NAALADL2: variants seen among roughly 807,000 people sequenced by gnomAD.
NAALADL2 encodes the protein inactive N-acetylated-alpha-linked acidic dipeptidase-like protein 2.
NAALADL2 carries 76 observed loss-of-function variants against 87.2 expected under a neutral mutation model. The observed-to-expected ratio is 0.87, with a 90% CI of 0.72 to 1.05. The LOEUF is 1.05. NAALADL2 is among the 50% of genes least tolerant of loss of function. NAALADL2 has a pLI of 0.00. For synonymous variants in NAALADL2, 354 were observed against 331.0 expected (o/e 1.07, Z -0.75); for missense variants, 1,089 against 945.8 (o/e 1.15, Z -1.99).
intron 2 of NAALADL2, among the ~76,000 whole-genome samples, chr3:175,162,264 C>T (rs892827160): frequency 6.6e-6 from 1 of 152,112 alleles, no homozygotes; most frequent in Admixed American, 6.6e-5. Context: ...CCCATGAGAA[C>T]CCACATTTTA....
In NAALADL2 at chr3:175,455,763, A is replaced by G. The variant is rs1238938279; in HGVS notation, c.1235-7638A>G. On this transcript the variant is annotated intron_variant, in intron 6 of 13. Transcript: ENST00000454872. ...CAAACAGTTGGCATTTAGGAAAGAT[A>G]GCTGCAGACCACAGCATCTCAATCA... Among the ~76,000 whole-genome samples the G allele has an allele frequency of 3.3e-5, 5 of 152,070 alleles. No homozygotes were observed. In the South Asian group the frequency reaches 8.3e-4, roughly 25 times the overall value.
chr3:175,096,320 A>G (rs146732591), intron 1 of NAALADL2, among the ~76,000 whole-genome samples: 8 of 152,094 alleles, frequency 5.3e-5, no homozygotes, highest in African/African-American at 1.7e-4. Flanking sequence ...CAGGGTTTTT[A>G]TTATTTTTTC....
intron 3 of NAALADL2, among the ~76,000 whole-genome samples, chr3:174,830,629 G>T (rs1226587455): frequency 6.6e-6 from 1 of 151,878 alleles, no homozygotes; most frequent in Non-Finnish European, 1.5e-5. Flanking sequence ...CTTTAAAGTA[G>T]TTTTTTCTGT....
chr3:174,795,918 C>T (rs979217670), intron 3 of NAALADL2, among the ~76,000 whole-genome samples: 1 of 152,148 alleles, frequency 6.6e-6, no homozygotes, highest in Non-Finnish European at 1.5e-5. Context: ...CTATTTATAT[C>T]TGCATACACA....
At chr3:175,598,508 A>G (rs1722537542) in intron 10 of NAALADL2, among the ~76,000 whole-genome samples, 1 of 152,054 alleles carries the variant, frequency 6.6e-6, no homozygotes, top group East Asian at 1.9e-4. Context: ...CTTGTTTCAT[A>G]TAATAACCAG....
At chr3:175,738,062 T>G (rs1744751749) in intron 12 of NAALADL2, among the ~76,000 whole-genome samples, 1 of 152,088 alleles carries the variant, frequency 6.6e-6, no homozygotes, top group South Asian at 2.1e-4. Flanking sequence ...AGTATTGTGA[T>G]TAAAGATTTC....
chr3:175,619,728 A>G (rs1278301323), intron 10 of NAALADL2, among the ~76,000 whole-genome samples: 1 of 152,162 alleles, frequency 6.6e-6, no homozygotes, highest in African/African-American at 2.4e-5. Flanking sequence ...AAGAACACAT[A>G]GGAGCCCTAA....
At chr3:175,175,985 C>T (rs17531088) in intron 2 of NAALADL2, among the ~76,000 whole-genome samples, 53,161 of 151,906 alleles carry the variant, frequency 0.35, 10,780 homozygotes, top group East Asian at 0.56. Context: ...TTATGATATG[C>T]TATTCGTCTG....
chr3:174,776,798 T>C (rs544996667), intron 3 of NAALADL2, among the ~76,000 whole-genome samples: 1 of 152,304 alleles, frequency 6.6e-6, no homozygotes, highest in African/African-American at 2.4e-5. Context: ...TTGATTCTGT[T>C]ATGAATAACT....
chr3:175,168,586 C>T (rs962724967), intron 2 of NAALADL2, among the ~76,000 whole-genome samples: 16 of 151,882 alleles, frequency 1.1e-4, no homozygotes, highest in African/African-American at 3.6e-4. Context: ...TAAAATTAGA[C>T]ACTTTTTCAT....
At chr3:175,593,005 T>A (rs1189359698) in intron 10 of NAALADL2, among the ~76,000 whole-genome samples, 2 of 152,068 alleles carry the variant, frequency 1.3e-5, no homozygotes, top group Non-Finnish European at 2.9e-5. Context: ...TTTAAAAAAA[T>A]TAATTTTATT....
At chr3:175,390,693 A>G (rs1344536831) in intron 5 of NAALADL2, among the ~76,000 whole-genome samples, 1 of 152,132 alleles carries the variant, frequency 6.6e-6, no homozygotes, top group East Asian at 1.9e-4. Flanking sequence ...TCTGGTAAAA[A>G]GACATTTTTA....
intron 1 of NAALADL2, among the ~76,000 whole-genome samples, chr3:174,533,676 C>T (rs573656717): frequency 4.1e-4 from 62 of 150,676 alleles, no homozygotes; most frequent in African/African-American, 1.3e-3. Flanking sequence ...TGGAGCATAG[C>T]GATTACAGTG....
intron 3 of NAALADL2, among the ~76,000 whole-genome samples, chr3:174,839,166 A>G (rs1723720186): frequency 6.6e-6 from 1 of 152,226 alleles, no homozygotes; most frequent in African/African-American, 2.4e-5. Flanking sequence ...AAGGGACAGC[A>G]TAGATAACCC....
chr3:175,780,333 AAC>A (rs1340601924), intron 13 of NAALADL2, among the ~76,000 whole-genome samples: 1 of 152,012 alleles, frequency 6.6e-6, no homozygotes, highest in Admixed American at 6.6e-5. Context: ...GGACTGATTA[AAC>A]ACAACACACT....
chr3:174,972,205 T>A (rs1416731883), intron 1 of NAALADL2, among the ~76,000 whole-genome samples: 1 of 152,196 alleles, frequency 6.6e-6, no homozygotes, highest in Non-Finnish European at 1.5e-5. Flanking sequence ...TATAAGTTAA[T>A]CAGTTTTATG....
At chr3:174,852,237 G>C (rs1725334166) in intron 3 of NAALADL2, among the ~76,000 whole-genome samples, 1 of 151,960 alleles carries the variant, frequency 6.6e-6, no homozygotes, top group African/African-American at 2.4e-5. Context: ...TTAGACAAGA[G>C]AAAGAAATAA....
intron 10 of NAALADL2, among the ~76,000 whole-genome samples, chr3:175,625,705 G>C (rs886607615): frequency 6.6e-6 from 1 of 151,938 alleles, no homozygotes; most frequent in African/African-American, 2.4e-5. Flanking sequence ...ATAAACCTGG[G>C]TTTGAACCCG....
intron 11 of NAALADL2, among the ~76,000 whole-genome samples, chr3:175,638,265 T>C (rs1254731972): frequency 6.6e-6 from 1 of 152,170 alleles, no homozygotes; most frequent in Admixed American, 6.5e-5. Flanking sequence ...GCAAAGGAAA[T>C]AAAAGAGGGA....
Sources: gnomAD v4.1 joint callset for allele counts (sites outside exome capture counted in the v4.1 genomes callset) on GRCh38, gnomAD v4.1.1 for gene constraint, MANE v1.5 for transcripts, NCBI Gene and HGNC (gene_info 2026-07-23, HGNC 2026-07-21) for gene names.